GSAP: variants seen among roughly 807,000 people sequenced by gnomAD.
GSAP encodes the protein gamma-secretase-activating protein.
GSAP carries 118 observed loss-of-function variants against 131.7 expected under a neutral mutation model. The ratio of observed to expected loss-of-function variants is 0.90; its 90% CI spans 0.77 to 1.04. The LOEUF (loss-of-function observed/expected upper bound fraction) is 1.04. GSAP is among the 50% of genes least tolerant of loss of function. The pLI is 0.00. For missense variants in GSAP, 1,019 were observed against 1,013.2 expected, an observed-to-expected ratio of 1.01 and a Z score of -0.08; for synonymous variants, 381 against 363.4, an observed-to-expected ratio of 1.05 and a Z score of -0.55.
intron 1 of GSAP, among the ~76,000 whole-genome samples, chr7:77,412,460 T>C (rs1464923980): frequency 3.3e-5 from 5 of 152,018 alleles, no homozygotes; most frequent in Non-Finnish European, 7.4e-5. Flanking sequence ...AGGGAGGATT[T>C]AAGAGATCCA....
intron 4 of GSAP, 80 bp from the exon 5 acceptor site, chr7:77,397,115 T>C (rs1299483443): frequency 3.3e-6 from 3 of 904,622 alleles, no homozygotes; most frequent in Non-Finnish European, 5.3e-6. Context: ...AAACCTGAAA[T>C]AGATGAGGGC....
chr7:77,391,743 G>C (rs1233150686), intron 5 of GSAP, among the ~76,000 whole-genome samples: 1 of 152,176 alleles, frequency 6.6e-6, no homozygotes, highest in Non-Finnish European at 1.5e-5. Flanking sequence ...GTTGAGGTGG[G>C]AAGATCACCT....
At chr7:77,353,444 GTT>G (rs201039073) in intron 17 of GSAP, 126 bp downstream of exon 17, 30 of 516,912 alleles carry the variant, frequency 5.8e-5, no homozygotes, top group South Asian at 7.6e-5. Flanking sequence ...ATAGAGTTTT[GTT>G]TTTTTTTTTT....
chr7:77,377,476 G>A, intron 8 of GSAP, 86 bp from the exon 9 acceptor site: 1 of 1,379,718 alleles, frequency 7.2e-7, no homozygotes. Context: ...TATTTTCCAT[G>A]TCTATCTTTA....
In GSAP at chr7:77,370,265, G is replaced by A. The variant is rs141256467; in HGVS notation, c.871+3805C>T. On this transcript the variant is annotated intron_variant, in intron 12 of 30. Transcript: ENST00000257626. Reference sequence around the variant, plus strand: ...CTGAGGTCAGGAGTTCGAGACCAGCGTGGCCAACATGGCGAAACCCCGTCT... The same window carrying A: ...CTGAGGTCAGGAGTTCGAGACCAGCATGGCCAACATGGCGAAACCCCGTCT... Among the ~76,000 whole-genome samples the A allele has an allele frequency of 4.1e-3, 622 of 152,100 alleles. 4 individuals are homozygous for A. The highest frequency in any genetic ancestry group is 0.024 in the Middle Eastern group (7 of 294).
At chr7:77,344,763 A>C (rs10238446) in intron 19 of GSAP, among the ~76,000 whole-genome samples, 34,891 of 151,882 alleles carry the variant, frequency 0.23, 5,192 homozygotes, top group East Asian at 0.43. Flanking sequence ...TATACTCATT[A>C]TTATTCTTGT....
chr7:77,376,283 A>C (rs1584581967), intron 10 of GSAP, among the ~76,000 whole-genome samples: 1 of 152,172 alleles, frequency 6.6e-6, no homozygotes, highest in Non-Finnish European at 1.5e-5. Context: ...ATCCCCACTT[A>C]CACATTTTTC....
chr7:77,379,708 G>T (rs555942107), intron 8 of GSAP: 2 of 188,062 alleles, frequency 1.1e-5, no homozygotes, highest in South Asian at 3.6e-4. Context: ...TTGGGATTCA[G>T]CCTTGATCTT....
At chr7:77,362,069 A>C (rs1794599831) in intron 13 of GSAP, among the ~76,000 whole-genome samples, 1 of 152,254 alleles carries the variant, frequency 6.6e-6, no homozygotes, top group African/African-American at 2.4e-5. Flanking sequence ...GGCCAGGATA[A>C]AAATATATGA....
intron 19 of GSAP, among the ~76,000 whole-genome samples, chr7:77,346,099 G>A (rs576881686): frequency 2.0e-5 from 3 of 151,246 alleles, no homozygotes; most frequent in African/African-American, 7.3e-5. Flanking sequence ...GTGAAACCCC[G>A]CCTCTACTAA....
chr7:77,376,557 C>T (rs1306613585), intron 10 of GSAP, among the ~76,000 whole-genome samples: 1 of 151,950 alleles, frequency 6.6e-6, no homozygotes, highest in East Asian at 1.9e-4. Context: ...AGGTGGATCA[C>T]GAGGTAAGGA....
At chr7:77,353,155 G>T in intron 17 of GSAP, 129 bp from the exon 18 acceptor site, 1 of 624,636 alleles carries the variant, frequency 1.6e-6, no homozygotes, top group Non-Finnish European at 2.9e-6. Context: ...CCTCAAAACG[G>T]TAACCATCAT....
At chr7:77,406,132 TCAG>T (rs1277499643) in intron 1 of GSAP, 27 bp from the exon 2 acceptor site, 4 of 1,194,432 alleles carry the variant, frequency 3.3e-6, no homozygotes, top group South Asian at 1.9e-5. Flanking sequence ...AGGTTAATAC[TCAG>T]CAGAAGATGG....
chr7:77,375,860 A>G (rs1584578861), intron 10 of GSAP, among the ~76,000 whole-genome samples: 1 of 146,218 alleles, frequency 6.8e-6, no homozygotes, highest in Non-Finnish European at 1.5e-5. Flanking sequence ...AAAAAAAAAC[A>G]AACAAAAAAA....
chr7:77,353,489 A>G, intron 17 of GSAP, 83 bp downstream of exon 17: 1 of 787,424 alleles, frequency 1.3e-6, no homozygotes. Flanking sequence ...GGACAGGTTG[A>G]GGCATTCACT....
Position 77,330,305 on chromosome 7 carries a change from G to A in GSAP, c.1608C>T (p.Ala536=). The change falls in exon 20 of 31, where the codon GCC becomes GCT. Residue 536 remains alanine, a synonymous_variant. Coordinates refer to ENST00000257626, the MANE Select transcript of GSAP (RefSeq NM_017439.4). ...LNSNLEYVKY[A]KPHFHYNNSV... ...TGTTGTTATAGTGGAAGTGTGGCTTGGCGTACTTAACATATTCTAGGTTGG... is the reference window on the plus strand; with the variant it reads ...TGTTGTTATAGTGGAAGTGTGGCTTAGCGTACTTAACATATTCTAGGTTGG... 1 of 1,613,846 alleles carries A rather than the reference G, an allele frequency of 6.2e-7. No individual in the cohort carries two copies.
intron 5 of GSAP, among the ~76,000 whole-genome samples, chr7:77,389,258 ATAT>A (rs1799049097): frequency 6.6e-6 from 1 of 151,248 alleles, no homozygotes; most frequent in African/African-American, 2.4e-5. Flanking sequence ...GTATATATAT[ATAT>A]TTTTTTGACC....
intron 19 of GSAP, among the ~76,000 whole-genome samples, chr7:77,348,801 T>C (rs1433159703): frequency 6.6e-6 from 1 of 152,226 alleles, no homozygotes; most frequent in Non-Finnish European, 1.5e-5. Flanking sequence ...TACAGCTTAA[T>C]GTTCAGAGGT....
At position 77,355,227 on chromosome 7, in the gene GSAP, A is replaced by T; in HGVS notation, c.1324T>A (p.Phe442Ile). Residue 442 changes from phenylalanine (F) to isoleucine (I), a missense_variant, in exon 16 of 31, where the codon TTC becomes ATC. By Grantham distance (21) the Phe-to-Ile change is conservative (BLOSUM62 0). Coordinates refer to ENST00000257626, the MANE Select transcript of GSAP (RefSeq NM_017439.4). Reference protein sequence around the residue: ...CALYCGQGAQFLEAQIIQWIS... With the variant: ...CALYCGQGAQILEAQIIQWIS... The stretch of plus-strand genomic sequence containing the variant: ...TATCTTCTCACCTGGGCTTCCAGGA[A>T]CTGCGCACCTTGACCGCAGTAGAGC... The T allele has an allele frequency of 6.2e-7, 1 of 1,611,940 alleles. No individual in the cohort carries two copies.
Sources: gnomAD v4.1 joint callset for allele counts (sites outside exome capture counted in the v4.1 genomes callset) on GRCh38, gnomAD v4.1.1 for gene constraint, MANE v1.5 for transcripts, NCBI Gene and HGNC (gene_info 2026-07-23, HGNC 2026-07-21) for gene names.